The following SPAG9 variants were observed in gnomAD, a reference collection of about 807,000 sequenced individuals.
The protein encoded by SPAG9 is sperm associated antigen 9, also known as C-Jun-amino-terminal kinase-interacting protein 4.
In SPAG9, 35 loss-of-function variants were observed where a neutral mutation model predicts 166.5. The observed-to-expected ratio is 0.21, with a 90% CI of 0.16 to 0.28. SPAG9 has a LOEUF of 0.28. SPAG9 is among the 10% of genes least tolerant of loss of function. The probability of loss-of-function intolerance (pLI) is 1.00; values close to 1 mark genes in which losing one functional copy is unlikely to be tolerated. For missense variants in SPAG9, 1,235 were observed against 1,603.3 expected (o/e 0.77, Z 3.92); for synonymous variants, 534 against 565.5 (o/e 0.94, Z 0.79).
At chr17:51,022,122 C>CAAAA (rs747116014) in intron 6 of SPAG9, among the ~76,000 whole-genome samples, 1 of 48,466 alleles carries the variant, frequency 2.1e-5, no homozygotes, top group African/African-American at 6.7e-5. Context: ...GACTCCATCT[C>CAAAA]AAAAAAAAAA....
At chr17:51,014,210 T>G in intron 9 of SPAG9, 22 bp downstream of exon 9, 1 of 1,576,914 alleles carries the variant, frequency 6.3e-7, no homozygotes, top group African/African-American at 1.4e-5. Flanking sequence ...AGTATGATAT[T>G]TCTTCAGATG....
chr17:50,993,624 A>G, intron 19 of SPAG9, 140 bp downstream of exon 19: 4 of 641,150 alleles, frequency 6.2e-6, no homozygotes, highest in Non-Finnish European at 1.0e-5. Flanking sequence ...AATGGTTTCC[A>G]GTTTGTTTTT....
intron 9 of SPAG9, among the ~76,000 whole-genome samples, chr17:51,010,548 A>AC (rs2045425721): frequency 1.4e-5 from 2 of 145,052 alleles, no homozygotes. Flanking sequence ...AGGATGTATC[A>AC]CTTAAGCAAG....
At position 50,974,838 on chromosome 17, in the gene SPAG9, T is replaced by C. The variant is rs1478982799; in HGVS notation, c.3633A>G (p.Ser1211=). Residue 1211 remains serine (S), a synonymous_variant, in exon 28 of 30, where the codon TCA becomes TCG. Transcript: ENST00000262013. ...GGAAGCAAAGCTGTGCATGTGCCAT[T>C]GAACAATAGGGTATAAATGTCCCTG... is the stretch of plus-strand genomic sequence containing the variant. ...VTPGTFIPYC[S]MAHAQLCFHG... The C allele has an allele frequency of 1.2e-6, 2 of 1,611,606 alleles. No homozygotes were observed. Among genetic ancestry groups the C allele is most frequent in the Non-Finnish European group, 1.7e-6 (2 of 1,179,548 alleles).
chr17:51,114,197 G>A (rs576037812), intron 1 of SPAG9, among the ~76,000 whole-genome samples: 18 of 151,888 alleles, frequency 1.2e-4, no homozygotes, highest in Admixed American at 3.3e-4. Context: ...GTGCTGGCGC[G>A]TGCCTGTAAT....
chr17:51,112,442 G>A (rs1011329006), intron 1 of SPAG9, among the ~76,000 whole-genome samples: 1 of 151,374 alleles, frequency 6.6e-6, no homozygotes, highest in Non-Finnish European at 1.5e-5. Flanking sequence ...GGAGGCTGGG[G>A]CAGGCAGATG....
At chr17:51,109,308 C>G (rs146211952) in intron 1 of SPAG9, among the ~76,000 whole-genome samples, 3,482 of 152,176 alleles carry the variant, frequency 0.023, 112 homozygotes, top group African/African-American at 0.069. Flanking sequence ...ACGATCTCAG[C>G]TCACCACAAC....
At chr17:50,975,983 G>A (rs1227264254) in intron 27 of SPAG9, 34 of 1,065,864 alleles carry the variant, frequency 3.2e-5, no homozygotes, top group Middle Eastern at 2.2e-4. Flanking sequence ...CACTCTCAGC[G>A]TCTTCTATCT....
chr17:50,984,995 A>C lies in SPAG9; in HGVS notation c.3021-5T>G. 6.2e-7 allele frequency: 1 copy of C among 1,613,980 alleles called. No individual in the cohort carries two copies. Among genetic ancestry groups the C allele is most frequent in the Non-Finnish European group, 8.5e-7 (1 of 1,179,826 alleles). On this transcript the variant is annotated splice_region_variant and splice_polypyrimidine_tract_variant and intron_variant, in intron 23 of 29. Transcript: ENST00000262013. ...AACACGATTCCCTTCACGTGTCTGC[A>C]AACAGGAAAGGGGAGTTCAGAACTC...
At chr17:51,080,841 C>G (rs572493716) in intron 1 of SPAG9, among the ~76,000 whole-genome samples, 2 of 141,830 alleles carry the variant, frequency 1.4e-5, no homozygotes, top group Admixed American at 7.3e-5. Flanking sequence ...GAGCCGAGAT[C>G]GCACCACTGC....
intron 2 of SPAG9, among the ~76,000 whole-genome samples, chr17:51,065,857 G>A (rs2047647891): frequency 6.6e-6 from 1 of 152,084 alleles, no homozygotes. Flanking sequence ...CTTAATGCAG[G>A]TAAGACAAAC....
intron 1 of SPAG9, among the ~76,000 whole-genome samples, chr17:51,091,596 G>T (rs2048467320): frequency 6.6e-6 from 1 of 151,816 alleles, no homozygotes; most frequent in South Asian, 2.1e-4. Flanking sequence ...CAGGTATGTT[G>T]GTATGAAACG....
intron 1 of SPAG9, among the ~76,000 whole-genome samples, chr17:51,089,658 A>G (rs1432237640): frequency 7.6e-5 from 8 of 104,860 alleles, no homozygotes; most frequent in East Asian, 2.7e-4. Flanking sequence ...ATATATATAT[A>G]TATATACACA....
chr17:51,096,552 A>G (rs1247955868), intron 1 of SPAG9, among the ~76,000 whole-genome samples: 1 of 152,184 alleles, frequency 6.6e-6, no homozygotes, highest in Admixed American at 6.6e-5. Context: ...TTACAAATAC[A>G]TATCCTAAAA....
chr17:51,068,791 A>T (rs1370465864), intron 2 of SPAG9, among the ~76,000 whole-genome samples: 1 of 152,146 alleles, frequency 6.6e-6, no homozygotes, highest in Admixed American at 6.6e-5. Context: ...CATAAACTTA[A>T]TTTTCTGATA....
chr17:51,007,652 T>C (rs1324542451), intron 9 of SPAG9, among the ~76,000 whole-genome samples: 3 of 152,188 alleles, frequency 2.0e-5, no homozygotes, highest in African/African-American at 7.2e-5. Context: ...AAGACTTTTC[T>C]GCCAAATATT....
intron 12 of SPAG9, among the ~76,000 whole-genome samples, 177 bp from the exon 13 acceptor site, chr17:51,002,022 A>T (rs981308733): frequency 2.6e-5 from 4 of 152,080 alleles, no homozygotes; most frequent in African/African-American, 7.2e-5. Flanking sequence ...TTTTTAAAAA[A>T]ATATATTTTT....
rs565119782 is a variant in SPAG9, at chr17:50,996,134, T to C, written c.1968+431A>G. 84 of 168,714 alleles carry C rather than the reference T, an allele frequency of 5.0e-4. 1 individual carries two copies. The highest frequency in any genetic ancestry group is 1.8e-3 in the African/African-American group (76 of 41,918). The allele number at this position is 168,714 out of a possible 1,614,324, so 10.5% of individuals were successfully genotyped here. Reference sequence around the variant, plus strand: ...ATGTGTTTGTACATGAACATGTGAGTCTTTTGGGGTAGGAATTATGGAGTA... The same window carrying C: ...ATGTGTTTGTACATGAACATGTGAGCCTTTTGGGGTAGGAATTATGGAGTA... On this transcript the variant is annotated intron_variant, in intron 16 of 29. Transcript: ENST00000262013.
intron 9 of SPAG9, among the ~76,000 whole-genome samples, chr17:51,010,568 GAAAAA>G (rs3075109): frequency 2.9e-4 from 36 of 124,848 alleles, no homozygotes; most frequent in South Asian, 2.6e-3. Flanking sequence ...GGCAAGAAAA[GAAAAA>G]AAAAAAAAAA....
Sources: gnomAD v4.1 joint callset for allele counts (sites outside exome capture counted in the v4.1 genomes callset) on GRCh38, gnomAD v4.1.1 for gene constraint, MANE v1.5 for transcripts, NCBI Gene and HGNC (gene_info 2026-07-23, HGNC 2026-07-21) for gene names.